Variants in MZT2B observed in about 807,000 individuals in gnomAD.
MZT2B encodes the protein mitotic-spindle organizing protein 2B.
A neutral mutation model predicts 12.1 loss-of-function variants in MZT2B; 11 were observed. The ratio of observed to expected loss-of-function variants is 0.91; its 90% CI spans 0.57 to 1.50. MZT2B has a LOEUF of 1.50. Among genes scored for constraint, MZT2B ranks in the 40% most tolerant of loss-of-function variants. The pLI is 0.00. For missense variants in MZT2B, 209 were observed against 227.7 expected (o/e 0.92, Z 0.53); for synonymous variants, 85 against 109.5 (o/e 0.78, Z 1.40).
chr2:130,196,191 C>T, the MZT2B span: 82 of 1,613,870 alleles, frequency 5.1e-5, no homozygotes, highest in Non-Finnish European at 5.9e-5. Flanking sequence ...GCTCTGGGCA[C>T]GTGCTTGCCA....
At chr2:130,190,152 C>T (rs1690208038) in intron 2 of MZT2B, among the ~76,000 whole-genome samples, 1 of 152,174 alleles carries the variant, frequency 6.6e-6, no homozygotes, top group Non-Finnish European at 1.5e-5. Context: ...AGGTGTGGAC[C>T]AGCACACCTA....
At chr2:130,182,198 A>T (rs1689718357), upstream of MZT2B, 3 of 1,250,700 alleles carry the variant, frequency 2.4e-6, no homozygotes, top group Non-Finnish European at 3.0e-6. Context: ...GGGAGGCCAG[A>T]CGTTGACGCT....
Position 130,182,323 on chromosome 2 carries a change from C to T in MZT2B, c.41C>T (p.Ala14Val), listed in dbSNP as rs1256726765. ...GTAGGGCCTGGGCCGGGGTCGGCGGCGCCCCCGGGGCTGGAGGCGGCCCGG... is the reference window on the plus strand; with the variant it reads ...GTAGGGCCTGGGCCGGGGTCGGCGGTGCCCCCGGGGCTGGAGGCGGCCCGG... ...QGVGPGPGSA[A>V]PPGLEAARQK... The change falls in exon 1 of 3, where the codon GCG (alanine) becomes GTG (valine). Residue 14 changes from alanine to valine, a missense_variant. By Grantham distance (64) the Ala-to-Val change is moderately conservative. Coordinates refer to ENST00000281871, the MANE Select transcript of MZT2B (RefSeq NM_025029.5). The T allele has an allele frequency of 1.3e-5, 20 of 1,518,042 alleles. No homozygotes were observed. Among genetic ancestry groups the T allele is most frequent in the Admixed American group, 6.1e-5 (3 of 49,196 alleles). The allele number at this position is 1,518,042 out of a possible 1,614,324, so 94.0% of individuals were successfully genotyped here.
downstream of MZT2B, chr2:130,192,056 G>C (rs553741083): frequency 1.1e-5 from 18 of 1,614,006 alleles, no homozygotes; most frequent in Non-Finnish European, 1.5e-5. Flanking sequence ...TGCTCAGCAT[G>C]CACACGGCCC....
chr2:130,203,542 A>G, the MZT2B span, among the ~76,000 whole-genome samples: 2 of 151,906 alleles, frequency 1.3e-5, no homozygotes, highest in Non-Finnish European at 2.9e-5. Flanking sequence ...ACTTGTGGTA[A>G]GTCCTACTTG....
In MZT2B at chr2:130,186,871, A is replaced by C. The variant is rs565603731; in HGVS notation, c.320-3598A>C. On this transcript the variant is annotated intron_variant, in intron 2 of 2. Transcript: ENST00000281871. ...CAGTGAGCTGTGACTGCACCACTGC[A>C]CTCCAGCCTGGGTGAGAGAGTGAGA... Among the ~76,000 whole-genome samples the C allele has an allele frequency of 3.0e-4, 46 of 151,298 alleles. 1 individual carries two copies. The South Asian group carries it at 4.4e-3, about 15-fold the overall frequency.
chr2:130,196,905 C>T, the MZT2B span, among the ~76,000 whole-genome samples: 1 of 152,152 alleles, frequency 6.6e-6, no homozygotes, highest in Non-Finnish European at 1.5e-5. Flanking sequence ...AGAGGCCTTC[C>T]TCGCCCTCTG....
the MZT2B span, chr2:130,198,231 G>A: frequency 9.1e-6 from 10 of 1,104,002 alleles, 3 homozygotes; most frequent in Non-Finnish European, 1.1e-5. Flanking sequence ...CTCCTGTCCC[G>A]CACTAGACCC....
chr2:130,194,734 G>A (rs1690362093), downstream of MZT2B, among the ~76,000 whole-genome samples: 1 of 152,194 alleles, frequency 6.6e-6, no homozygotes. Context: ...TTAGAGTGCA[G>A]TGGTGCAATC....
downstream of MZT2B, chr2:130,191,808 G>A (rs1690264967): frequency 2.5e-6 from 4 of 1,587,144 alleles, no homozygotes; most frequent in East Asian, 6.7e-5. Flanking sequence ...GGGTGGCAGG[G>A]GAGAACCCAC....
intron 2 of MZT2B, chr2:130,184,159 C>T (rs746775213): frequency 1.4e-6 from 2 of 1,465,236 alleles, no homozygotes; most frequent in Non-Finnish European, 1.8e-6. Flanking sequence ...AGTCTCTAGA[C>T]CCCACAGTCG....
At chr2:130,196,802 AGT>A in the MZT2B span, among the ~76,000 whole-genome samples, 1 of 152,186 alleles carries the variant, frequency 6.6e-6, no homozygotes, top group Non-Finnish European at 1.5e-5. Context: ...CCAGGTGCTC[AGT>A]GTGTGTCCTC....
At position 130,185,517 on chromosome 2, in the gene MZT2B, A is replaced by T. The variant is rs114260379; in HGVS notation, c.319+2742A>T. ...AAAAGAAAAACCGCTAGCAATGGAG[A>T]TGGGAGGAGGCTTCAGAGCCCAGAG... On this transcript the variant is annotated intron_variant, in intron 2 of 2. Coordinates refer to ENST00000281871, the MANE Select transcript of MZT2B (RefSeq NM_025029.5). Among the ~76,000 whole-genome samples the T allele has an allele frequency of 6.7e-5, 7 of 104,302 alleles. 2 individuals carry two copies. The highest frequency in any genetic ancestry group is 9.6e-5 in the African/African-American group (3 of 31,118). 68.4% of individuals were successfully genotyped at this position (104,302 alleles called of 152,430 possible).
upstream of MZT2B, chr2:130,181,904 G>C (rs1689688506): frequency 7.1e-7 from 1 of 1,416,526 alleles, no homozygotes; most frequent in Non-Finnish European, 9.4e-7. Flanking sequence ...GTGGTGCACC[G>C]GTGCGGACCA....
At chr2:130,191,796 A>G (rs1690264315), downstream of MZT2B, 2 of 1,586,214 alleles carry the variant, frequency 1.3e-6, no homozygotes, top group East Asian at 2.2e-5. Context: ...CAGCCATCCT[A>G]GGGGTGGCAG....
At chr2:130,204,578 C>T in the MZT2B span, among the ~76,000 whole-genome samples, 1 of 151,846 alleles carries the variant, frequency 6.6e-6, no homozygotes, top group Admixed American at 6.6e-5. Context: ...GTAATCCTAG[C>T]TACTTGGGAG....
Position 130,184,085 on chromosome 2 carries a change from G to A in MZT2B, c.319+1310G>A, listed in dbSNP as rs184118620. 2.5e-3 allele frequency: 3,834 copies of A among 1,545,258 alleles called. 28 individuals are homozygous for A. In the Middle Eastern group the frequency reaches 0.033, roughly 13 times the overall value. On this transcript the variant is annotated intron_variant, in intron 2 of 2. Transcript: ENST00000281871. ...CAAGGGCAGGACCATGCAGGCCATC[G>A]CTGCCCTGCCGCTTAGCCACAGGGC...
chr2:130,181,896 G>A, upstream of MZT2B: 1 of 1,506,444 alleles, frequency 6.6e-7, no homozygotes, highest in South Asian at 1.2e-5. Context: ...GACCCCTAGT[G>A]GTGCACCGGT....
chr2:130,183,646 G>A (rs564666186), intron 2 of MZT2B: 55 of 1,401,238 alleles, frequency 3.9e-5, no homozygotes, highest in Admixed American at 1.4e-4. Flanking sequence ...AAGGCGTGGA[G>A]AGCAGGCTGC....
Sources: gnomAD v4.1 joint callset for allele counts (sites outside exome capture counted in the v4.1 genomes callset) on GRCh38, gnomAD v4.1.1 for gene constraint, MANE v1.5 for transcripts, NCBI Gene and HGNC (gene_info 2026-07-23, HGNC 2026-07-21) for gene names.